Variants in ACER1 observed in about 807,000 individuals in gnomAD.
ACER1 encodes the protein CTB-180A7.3.
A neutral mutation model predicts 24.9 loss-of-function variants in ACER1; 28 were observed. The observed-to-expected ratio is 1.13, with a 90% CI of 0.83 to 1.54. The LOEUF is 1.54. Among genes scored for constraint, ACER1 ranks in the 40% most tolerant of loss-of-function variants. The pLI is 0.00. For missense variants in ACER1, 352 were observed against 349.3 expected (o/e 1.01, Z -0.06); for synonymous variants, 132 against 131.4 (o/e 1.00, Z -0.03).
intron 1 of ACER1, among the ~76,000 whole-genome samples, chr19:6,315,032 C>T (rs1370241034): frequency 1.4e-5 from 2 of 146,368 alleles, no homozygotes; most frequent in Non-Finnish European, 3.0e-5. Context: ...GCTGGGACTG[C>T]AGGTGCCTGC....
the ACER1 span, among the ~76,000 whole-genome samples, chr19:6,338,927 G>A: frequency 1.4e-5 from 2 of 146,462 alleles, no homozygotes; most frequent in Non-Finnish European, 3.0e-5. Flanking sequence ...ATCCAGGCTA[G>A]AGTGCAATGG....
At chr19:6,307,416 G>T in intron 4 of ACER1, 126 bp from the exon 5 acceptor site, 2 of 1,121,508 alleles carry the variant, frequency 1.8e-6, no homozygotes, top group Non-Finnish European at 2.5e-6. Flanking sequence ...CAGGAATTGA[G>T]GGTGCAAGCA....
At chr19:6,328,906 C>T (rs28635352) in intron 1 of ACER1, among the ~76,000 whole-genome samples, 20,945 of 151,382 alleles carry the variant, frequency 0.14, 2,729 homozygotes, top group African/African-American at 0.35. Flanking sequence ...AACTCCTGAG[C>T]GCAAGTGATT....
chr19:6,306,862 GTGATGC>G lies in ACER1; in HGVS notation c.641_646del (p.Ser214_Ile215del). The stretch of plus-strand genomic sequence containing the variant: ...CATGGTGACCATGCCATAAGGGAAG[GTGATGC>G]TGATGAGCACATGCCTGTGGAGTGC... On this transcript the variant is annotated inframe_deletion, in exon 6 of 6. Coordinates refer to ENST00000301452, the MANE Select transcript of ACER1 (RefSeq NM_133492.3). 1.2e-6 allele frequency: 2 copies of G among 1,613,888 alleles called. No individual in the cohort carries two copies. The highest frequency in any genetic ancestry group is 1.1e-5 in the South Asian group (1 of 91,034).
At chr19:6,341,567 G>C in the ACER1 span, among the ~76,000 whole-genome samples, 1 of 150,916 alleles carries the variant, frequency 6.6e-6, no homozygotes, top group East Asian at 1.9e-4. Flanking sequence ...AAAGAAAAAA[G>C]GAACTATACC....
chr19:6,308,421 G>C (rs56153140), intron 4 of ACER1, among the ~76,000 whole-genome samples: 11,947 of 136,200 alleles, frequency 0.088, 684 homozygotes, highest in Non-Finnish European at 0.13. Context: ...GGCGACAAGA[G>C]TGAGACTCCG....
At chr19:6,334,624 C>T (rs533814724), upstream of ACER1, among the ~76,000 whole-genome samples, 8 of 152,196 alleles carry the variant, frequency 5.3e-5, no homozygotes, top group South Asian at 2.1e-4. Context: ...CGGGATTATA[C>T]GCATGAGCCA....
At chr19:6,340,008 G>T in the ACER1 span, among the ~76,000 whole-genome samples, 2 of 151,514 alleles carry the variant, frequency 1.3e-5, no homozygotes, top group East Asian at 4.0e-4. Flanking sequence ...GGGCGTGGTG[G>T]CTCACACATG....
In ACER1 at chr19:6,306,881, G is replaced by A; in HGVS notation, c.628C>T (p.His210Tyr). 1 of 1,611,426 alleles carries A rather than the reference G, an allele frequency of 6.2e-7. No homozygotes were observed. The highest frequency in any genetic ancestry group is 2.2e-5 in the East Asian group (1 of 44,818). The change falls in exon 6 of 6, where the codon CAT becomes TAT. Residue 210 changes from histidine (H) to tyrosine (Y), a missense_variant and splice_region_variant. Physicochemically the swap from His to Tyr is moderately conservative, Grantham distance 83 (BLOSUM62 2). Transcript: ENST00000301452. ...IHFFYLHSIW[H>Y]VLISITFPYG... The stretch of plus-strand genomic sequence containing the variant: ...GGGAAGGTGATGCTGATGAGCACAT[G>A]CCTGTGGAGTGCAGGGCGAAGGTGG...
intron 1 of ACER1, among the ~76,000 whole-genome samples, chr19:6,329,393 T>TAGAAC: frequency 6.6e-6 from 1 of 152,036 alleles, no homozygotes; most frequent in Non-Finnish European, 1.5e-5. Flanking sequence ...TAGAATAGAA[T>TAGAAC]AGAATAGAAT....
chr19:6,346,316 A>G, the ACER1 span, among the ~76,000 whole-genome samples: 13 of 152,162 alleles, frequency 8.5e-5, no homozygotes, highest in South Asian at 8.3e-4. Context: ...CCTCCAAAAA[A>G]AAGTTCGAGA....
At chr19:6,320,565 A>G (rs1568311051) in intron 1 of ACER1, among the ~76,000 whole-genome samples, 1 of 152,116 alleles carries the variant, frequency 6.6e-6, no homozygotes, top group Non-Finnish European at 1.5e-5. Flanking sequence ...CGCCTGCCTC[A>G]GCCTCCCAAA....
the ACER1 span, among the ~76,000 whole-genome samples, chr19:6,340,202 G>T: frequency 6.0e-3 from 907 of 151,440 alleles, 14 homozygotes; most frequent in African/African-American, 0.021. Context: ...AATCACTTGA[G>T]CCTGGGAGGT....
At chr19:6,339,696 C>T in the ACER1 span, among the ~76,000 whole-genome samples, 1 of 151,980 alleles carries the variant, frequency 6.6e-6, no homozygotes, top group African/African-American at 2.4e-5. Flanking sequence ...GAGATGGAGT[C>T]TCTCTCTGTT....
chr19:6,345,440 T>A, the ACER1 span, among the ~76,000 whole-genome samples: 1 of 152,138 alleles, frequency 6.6e-6, no homozygotes, highest in Non-Finnish European at 1.5e-5. Flanking sequence ...CTGTAATATA[T>A]AATGAACTAA....
At chr19:6,315,320 CAGCCCTCCAAGT>C (rs2091598297) in intron 1 of ACER1, among the ~76,000 whole-genome samples, 3 of 152,042 alleles carry the variant, frequency 2.0e-5, no homozygotes. Context: ...CCTCCCACCT[CAGCCCTCCAAGT>C]AGCTGGGACT....
the ACER1 span, among the ~76,000 whole-genome samples, chr19:6,351,663 G>A: frequency 7.1e-6 from 1 of 140,020 alleles, no homozygotes; most frequent in Non-Finnish European, 1.5e-5. Flanking sequence ...AGCCTGGGAG[G>A]TCAAGACTGC....
chr19:6,340,313 AAGGAAGGAAGGAAGGAAGGAAG>A, the ACER1 span, among the ~76,000 whole-genome samples: 1 of 33,374 alleles, frequency 3.0e-5, no homozygotes, highest in Admixed American at 3.6e-4. Flanking sequence ...GGAAGGAAGG[AAGGAAGGAAGGAAGGAAGGAAG>A]GAAGGAAGGA....
At chr19:6,337,638 T>G (rs1362532129), upstream of ACER1, among the ~76,000 whole-genome samples, 1 of 120,380 alleles carries the variant, frequency 8.3e-6, no homozygotes, top group Non-Finnish European at 1.6e-5. Flanking sequence ...TTTTTCTTTT[T>G]CTTTTCTTTT....
Sources: gnomAD v4.1 joint callset for allele counts (sites outside exome capture counted in the v4.1 genomes callset) on GRCh38, gnomAD v4.1.1 for gene constraint, MANE v1.5 for transcripts, NCBI Gene and HGNC (gene_info 2026-07-23, HGNC 2026-07-21) for gene names.